The following OPCML variants were observed in gnomAD, a reference collection of about 807,000 sequenced individuals.
OPCML encodes the protein opioid-binding protein/cell adhesion molecule.
Under a neutral mutation model 37.8 loss-of-function variants are expected in OPCML, and 13 were observed. The observed-to-expected ratio is 0.34, with a 90% CI of 0.22 to 0.55. OPCML has a LOEUF of 0.55. Ranked by LOEUF, OPCML falls within the 20% of genes least tolerant of loss-of-function variation. The pLI, the probability that OPCML is intolerant of heterozygous loss-of-function variation, is 0.91. For missense variants in OPCML, 341 were observed against 435.6 expected (o/e 0.78, Z 1.93); for synonymous variants, 176 against 168.8 (o/e 1.04, Z -0.33).
At chr11:132,662,712 T>C (rs1456657200) in intron 2 of OPCML, among the ~76,000 whole-genome samples, 1 of 152,200 alleles carries the variant, frequency 6.6e-6, no homozygotes, top group African/African-American at 2.4e-5. Context: ...ATGCCAGACG[T>C]TGAATGGTTG....
chr11:132,516,179 A>G (rs2096279224), intron 4 of OPCML, among the ~76,000 whole-genome samples: 1 of 152,216 alleles, frequency 6.6e-6, no homozygotes, highest in Admixed American at 6.5e-5. Flanking sequence ...AATATAATTA[A>G]AACGTCAGCA....
chr11:132,553,057 C>A (rs151240990), intron 3 of OPCML, among the ~76,000 whole-genome samples: 1 of 152,146 alleles, frequency 6.6e-6, no homozygotes, highest in African/African-American at 2.4e-5. Flanking sequence ...AGCCACTACG[C>A]GCAGCCGAAT....
At chr11:133,311,616 A>G (rs1459135294) in intron 1 of OPCML, among the ~76,000 whole-genome samples, 7 of 152,216 alleles carry the variant, frequency 4.6e-5, no homozygotes, top group African/African-American at 1.7e-4. Context: ...CAGAGGGATC[A>G]AGAAAGAGAA....
chr11:133,365,144 G>T (rs1462803255), intron 1 of OPCML, among the ~76,000 whole-genome samples: 1 of 151,918 alleles, frequency 6.6e-6, no homozygotes, highest in Non-Finnish European at 1.5e-5. Context: ...CTCCAGATGT[G>T]CAGTCAGCAG....
chr11:133,184,712 G>A (rs901989153), intron 1 of OPCML, among the ~76,000 whole-genome samples: 3 of 152,056 alleles, frequency 2.0e-5, no homozygotes, highest in African/African-American at 4.8e-5. Context: ...ACCAAATAGG[G>A]CAGCTATTCA....
At chr11:132,769,415 G>A (rs1007794309) in intron 2 of OPCML, among the ~76,000 whole-genome samples, 1 of 151,938 alleles carries the variant, frequency 6.6e-6, no homozygotes, top group African/African-American at 2.4e-5. Context: ...AAGACTTTGT[G>A]ACTGGAGCCT....
chr11:133,340,508 CGTGT>C (rs3220249), intron 1 of OPCML, among the ~76,000 whole-genome samples: 514 of 151,888 alleles, frequency 3.4e-3, no homozygotes, highest in Non-Finnish European at 6.0e-3. Context: ...AAATTAACAC[CGTGT>C]GTGTGTATAA....
chr11:132,537,212 C>G lies in OPCML; in HGVS notation c.380-8026G>C, dbSNP rs766039006. Reference sequence around the variant, plus strand: ...CCAACACATTCTTAGAAAATATGCACAATTAAAAATCAGCATAAGGATAGG... The same window carrying G: ...CCAACACATTCTTAGAAAATATGCAGAATTAAAAATCAGCATAAGGATAGG... On this transcript the variant is annotated intron_variant, in intron 3 of 7. Transcript: ENST00000524381. 3.9e-5 allele frequency among the ~76,000 whole-genome samples: 6 copies of G among 152,150 alleles called. No homozygotes were observed. The South Asian group carries it at 1.2e-3, about 32-fold the overall frequency.
intron 1 of OPCML, among the ~76,000 whole-genome samples, chr11:133,363,320 G>A (rs1944464439): frequency 6.6e-6 from 1 of 152,204 alleles, no homozygotes; most frequent in Non-Finnish European, 1.5e-5. Context: ...CTTCGCCAAG[G>A]CAGCGCAGAG....
At chr11:132,522,804 C>T (rs900292621) in intron 4 of OPCML, among the ~76,000 whole-genome samples, 5 of 152,288 alleles carry the variant, frequency 3.3e-5, no homozygotes, top group East Asian at 1.9e-4. Flanking sequence ...CAACAGGGAT[C>T]GATACCTATA....
At chr11:133,371,297 C>G (rs1345460981) in intron 1 of OPCML, among the ~76,000 whole-genome samples, 11 of 152,272 alleles carry the variant, frequency 7.2e-5, no homozygotes, top group South Asian at 2.1e-4. Flanking sequence ...ATGCAGCTGA[C>G]CTACTACTGG....
chr11:133,050,804 AAAG>A (rs1948116294), intron 1 of OPCML, among the ~76,000 whole-genome samples: 3 of 151,952 alleles, frequency 2.0e-5, no homozygotes, highest in African/African-American at 4.8e-5. Flanking sequence ...AATCCCAGAG[AAAG>A]AAGCTCTAAA....
chr11:132,917,672 G>A (rs1944652249), intron 2 of OPCML, among the ~76,000 whole-genome samples: 1 of 152,178 alleles, frequency 6.6e-6, no homozygotes, highest in African/African-American at 2.4e-5. Context: ...GAACTAGATT[G>A]GCCAAGGTCA....
rs1946771224 is a variant in OPCML at position 133,458,635 on chromosome 11, A to ACACATATATACACGTGTGTGTG, written c.61+73628_61+73629insCACACACACGTGTATATATGTG. 6.9e-5 allele frequency among the ~76,000 whole-genome samples: 7 copies of ACACATATATACACGTGTGTGTG among 101,512 alleles called. 2 individuals are homozygous for ACACATATATACACGTGTGTGTG. Among genetic ancestry groups the ACACATATATACACGTGTGTGTG allele is most frequent in the African/African-American group, 3.4e-4 (4 of 11,706 alleles). 66.6% of individuals were successfully genotyped at this position (101,512 alleles called of 152,430 possible). A position where few individuals can be genotyped will look rare whatever the true frequency, so the allele number is the denominator to read the frequency against. On this transcript the variant is annotated intron_variant, in intron 1 of 7. Coordinates refer to ENST00000524381, the MANE Select transcript of OPCML (RefSeq NM_001012393.5). The stretch of plus-strand genomic sequence containing the variant: ...TACACATATATACACGTGTGTGTGT[A>ACACATATATACACGTGTGTGTG]TATACACATAGATGCACGTGTGTGT...
chr11:133,097,201 C>G (rs1949015723), intron 1 of OPCML, among the ~76,000 whole-genome samples: 1 of 152,124 alleles, frequency 6.6e-6, no homozygotes, highest in African/African-American at 2.4e-5. Context: ...AATGTGTGAT[C>G]TCACATCAAA....
chr11:133,289,573 C>A lies in OPCML; in HGVS notation c.61+242691G>T, dbSNP rs868854081. The stretch of plus-strand genomic sequence containing the variant: ...TCCCGCCACTGCACTCCAGCCTGGG[C>A]GACAGAGCGAGACTCCATCTCAAAA... On this transcript the variant is annotated intron_variant, in intron 1 of 7. Coordinates refer to ENST00000524381, the MANE Select transcript of OPCML (RefSeq NM_001012393.5). 1.1e-4 allele frequency among the ~76,000 whole-genome samples: 14 copies of A among 123,152 alleles called. No homozygotes were observed. In the East Asian group the frequency reaches 2.3e-3, roughly 20 times the overall value. 80.8% of individuals were successfully genotyped at this position (123,152 alleles called of 152,430 possible). A position where few individuals can be genotyped will look rare whatever the true frequency, so the allele number is the denominator to read the frequency against.
At chr11:133,321,484 T>C (rs1370944422) in intron 1 of OPCML, among the ~76,000 whole-genome samples, 1 of 152,178 alleles carries the variant, frequency 6.6e-6, no homozygotes, top group Non-Finnish European at 1.5e-5. Context: ...ACAGACCTCC[T>C]CTTGTGTGTG....
chr11:132,887,375 C>A (rs1352837230), intron 2 of OPCML, among the ~76,000 whole-genome samples: 1 of 152,154 alleles, frequency 6.6e-6, no homozygotes, highest in African/African-American at 2.4e-5. Context: ...GTCCTGGTGT[C>A]AAGCAGCACA....
intron 1 of OPCML, among the ~76,000 whole-genome samples, chr11:133,044,708 C>T (rs1477356427): frequency 5.3e-5 from 8 of 152,100 alleles, no homozygotes; most frequent in African/African-American, 1.9e-4. Context: ...GTAGCTTGCC[C>T]AGGTCACAGA....
Sources: allele counts gnomAD v4.1 joint callset (sites outside exome capture counted in the v4.1 genomes callset), GRCh38; gene constraint gnomAD v4.1.1; transcripts MANE v1.5; gene names NCBI Gene and HGNC (gene_info 2026-07-23, HGNC 2026-07-21).